PCDH15: variants seen among roughly 807,000 people sequenced by gnomAD.
PCDH15 encodes protocadherin-15.
In PCDH15, 129 loss-of-function variants were observed where a neutral mutation model predicts 178.5. The ratio of observed to expected loss-of-function variants is 0.72; its 90% CI spans 0.63 to 0.84. The LOEUF (loss-of-function observed/expected upper bound fraction) is 0.84. Ranked by LOEUF, PCDH15 falls within the 40% of genes least tolerant of loss-of-function variation. The pLI is 0.00. For missense variants in PCDH15, 2,230 were observed against 2,099.9 expected (o/e 1.06, Z -1.21); for synonymous variants, 800 against 732.0 (o/e 1.09, Z -1.50).
intron 2 of PCDH15, among the ~76,000 whole-genome samples, chr10:54,930,867 C>T (rs546735807): frequency 3.9e-5 from 6 of 152,010 alleles, no homozygotes; most frequent in Non-Finnish European, 5.9e-5. Flanking sequence ...ATAAGACATA[C>T]GTAATCAATT....
intron 26 of PCDH15, among the ~76,000 whole-genome samples, chr10:53,874,517 CT>C (rs1426839844): frequency 6.6e-6 from 1 of 152,118 alleles, no homozygotes; most frequent in Non-Finnish European, 1.5e-5. Flanking sequence ...TAGGCCTGAT[CT>C]CCACCTGAAT....
intron 3 of PCDH15, among the ~76,000 whole-genome samples, chr10:54,396,072 A>G (rs1392806230): frequency 6.6e-6 from 1 of 152,148 alleles, no homozygotes; most frequent in African/African-American, 2.4e-5. Context: ...GACGATATAC[A>G]TTTACAAAGA....
At chr10:54,208,055 G>T (rs1002672843) in intron 10 of PCDH15, among the ~76,000 whole-genome samples, 1 of 151,804 alleles carries the variant, frequency 6.6e-6, no homozygotes, top group African/African-American at 2.4e-5. Flanking sequence ...CAAAAATTAT[G>T]CTTTGTGTGG....
intron 23 of PCDH15, among the ~76,000 whole-genome samples, chr10:53,958,936 G>A (rs1246882305): frequency 8.8e-5 from 11 of 125,224 alleles, no homozygotes; most frequent in Admixed American, 2.1e-4. Flanking sequence ...CCGAGATTAC[G>A]TCACTGCACT....
intron 2 of PCDH15, among the ~76,000 whole-genome samples, chr10:55,331,676 T>A (rs1355120025): frequency 1.3e-5 from 2 of 152,082 alleles, no homozygotes; most frequent in Non-Finnish European, 2.9e-5. Context: ...AGAAAGAAAC[T>A]GCGGCTGTAT....
chr10:53,842,355 C>G (rs968307007), intron 28 of PCDH15, among the ~76,000 whole-genome samples: 1 of 152,122 alleles, frequency 6.6e-6, no homozygotes, highest in East Asian at 1.9e-4. Context: ...CTCCCGGGTT[C>G]AAGGGATTCT....
Position 55,231,255 on chromosome 10 carries a change from C to T in PCDH15, c.-155-64604G>A, listed in dbSNP as rs1841211195. ...CTTGTTGAAAGAGATTGAGAAGTTC[C>T]TAAAATTGCTAAGAAATCTGGAGAA... On this transcript the variant is annotated intron_variant, in intron 1 of 5. Coordinates refer to the PCDH15 transcript ENST00000458638. Among the ~76,000 whole-genome samples, 3 of 151,986 alleles carry T rather than the reference C, an allele frequency of 2.0e-5. No homozygotes were observed. The South Asian group carries it at 6.2e-4, about 32-fold the overall frequency.
chr10:55,474,201 A>T (rs1460174034), intron 2 of PCDH15, among the ~76,000 whole-genome samples: 1 of 152,236 alleles, frequency 6.6e-6, no homozygotes, highest in African/African-American at 2.4e-5. Context: ...TAAGAAATAT[A>T]TAGGAAGTAT....
At chr10:55,547,752 A>T (rs1841915135) in intron 2 of PCDH15, among the ~76,000 whole-genome samples, 1 of 151,962 alleles carries the variant, frequency 6.6e-6, no homozygotes, top group African/African-American at 2.4e-5. Context: ...AGGCTATAAA[A>T]ATCATTACAA....
At chr10:55,003,292 G>C (rs2131932674) in intron 2 of PCDH15, among the ~76,000 whole-genome samples, 1 of 152,246 alleles carries the variant, frequency 6.6e-6, no homozygotes, top group East Asian at 1.9e-4. Context: ...TTCTGTTAAT[G>C]TTTGAGATTA....
At chr10:54,383,619 A>ATATGTGTG (rs1554943458) in intron 3 of PCDH15, among the ~76,000 whole-genome samples, 20 of 23,822 alleles carry the variant, frequency 8.4e-4, no homozygotes, top group Admixed American at 2.8e-3. Context: ...CATGCCGTGT[A>ATATGTGTG]TGTGTGTTTT....
intron 15 of PCDH15, among the ~76,000 whole-genome samples, chr10:54,111,833 G>T (rs960331654): frequency 1.3e-5 from 2 of 151,862 alleles, no homozygotes; most frequent in Non-Finnish European, 2.9e-5. Context: ...TTCTATTAAA[G>T]ATAAAGATCT....
intron 2 of PCDH15, among the ~76,000 whole-genome samples, chr10:55,549,898 C>T (rs775760450): frequency 1.3e-5 from 2 of 149,958 alleles, no homozygotes; most frequent in Admixed American, 6.7e-5. Flanking sequence ...GGAAATCCTA[C>T]GCCTCACGCA....
chr10:54,260,546 G>A (rs542713700), intron 8 of PCDH15, among the ~76,000 whole-genome samples: 2 of 151,922 alleles, frequency 1.3e-5, no homozygotes, highest in African/African-American at 2.4e-5. Context: ...AATGGTTTCA[G>A]TGGAAGCCAT....
At chr10:55,539,600 G>A (rs937722900) in intron 2 of PCDH15, among the ~76,000 whole-genome samples, 3 of 151,960 alleles carry the variant, frequency 2.0e-5, no homozygotes, top group African/African-American at 7.2e-5. Flanking sequence ...GTTCAATAAT[G>A]TTTTTTGACA....
At chr10:54,271,185 T>C (rs528311305) in intron 8 of PCDH15, among the ~76,000 whole-genome samples, 33 of 152,138 alleles carry the variant, frequency 2.2e-4, no homozygotes, top group Non-Finnish European at 4.1e-4. Flanking sequence ...TTTATATTTC[T>C]TTCACATAAT....
intron 2 of PCDH15, among the ~76,000 whole-genome samples, chr10:55,113,877 T>C (rs1314727236): frequency 6.6e-6 from 1 of 152,180 alleles, no homozygotes; most frequent in South Asian, 2.1e-4. Context: ...CATACTGTCA[T>C]GCCAAGTTTT....
chr10:54,783,109 T>C (rs1271067700), intron 1 of PCDH15, among the ~76,000 whole-genome samples: 1 of 151,990 alleles, frequency 6.6e-6, no homozygotes, highest in Non-Finnish European at 1.5e-5. Context: ...AGGAACAAAA[T>C]AATTTTCCAG....
intron 2 of PCDH15, among the ~76,000 whole-genome samples, chr10:55,033,493 C>T (rs2131968821): frequency 6.6e-6 from 1 of 152,276 alleles, no homozygotes; most frequent in East Asian, 1.9e-4. Flanking sequence ...GGACCTATTA[C>T]CCCTTTCTTC....
Sources: allele counts gnomAD v4.1 joint callset (sites outside exome capture counted in the v4.1 genomes callset), GRCh38; gene constraint gnomAD v4.1.1; transcripts MANE v1.5; gene names NCBI Gene and HGNC (gene_info 2026-07-23, HGNC 2026-07-21).